The following SMAP1 variants were observed in gnomAD, a reference collection of about 807,000 sequenced individuals.
SMAP1 encodes stromal membrane-associated protein 1.
In SMAP1, 24 loss-of-function variants were observed where a neutral mutation model predicts 58.5. That is an observed-to-expected ratio of 0.41 (90% CI 0.30 to 0.58). The LOEUF is 0.58. Among genes scored for constraint, SMAP1 ranks in the 20% least tolerant of loss-of-function variants. The pLI is 0.29. For missense variants in SMAP1, 563 were observed against 566.3 expected (o/e 0.99, Z 0.06); for synonymous variants, 216 against 196.6 (o/e 1.10, Z -0.82).
chr6:70,806,521 A>G (rs1352695593), intron 6 of SMAP1, among the ~76,000 whole-genome samples: 1 of 151,962 alleles, frequency 6.6e-6, no homozygotes, highest in Non-Finnish European at 1.5e-5. Context: ...CCACTATCCA[A>G]CCAGTCCCAG....
chr6:70,795,684 T>C, intron 5 of SMAP1, among the ~76,000 whole-genome samples: 1 of 152,036 alleles, frequency 6.6e-6, no homozygotes, highest in East Asian at 1.9e-4. Flanking sequence ...ACCATAGCAA[T>C]AACTAATAGC....
chr6:70,840,752 C>T (rs1016407791), intron 7 of SMAP1, among the ~76,000 whole-genome samples: 2 of 152,204 alleles, frequency 1.3e-5, no homozygotes, highest in Non-Finnish European at 2.9e-5. Context: ...ATACCATAAA[C>T]AGGGTGAGAT....
intron 8 of SMAP1, 81 bp from the exon 9 acceptor site, chr6:70,856,778 A>G: frequency 7.3e-7 from 1 of 1,376,230 alleles, no homozygotes; most frequent in South Asian, 1.6e-5. Flanking sequence ...CTAATTTTAT[A>G]ACTTTATTTG....
At chr6:70,756,073 A>G (rs1766477751) in intron 3 of SMAP1, among the ~76,000 whole-genome samples, 1 of 152,052 alleles carries the variant, frequency 6.6e-6, no homozygotes, top group Admixed American at 6.6e-5. Flanking sequence ...TGTTTTCTAA[A>G]TATAAAATCA....
At chr6:70,689,411 A>T (rs1767065157) in intron 1 of SMAP1, among the ~76,000 whole-genome samples, 1 of 152,158 alleles carries the variant, frequency 6.6e-6, no homozygotes, top group Non-Finnish European at 1.5e-5. Flanking sequence ...GAAATTTATT[A>T]TGTTCCATTG....
At chr6:70,802,847 G>A (rs1768924723) in intron 6 of SMAP1, among the ~76,000 whole-genome samples, 1 of 148,818 alleles carries the variant, frequency 6.7e-6, no homozygotes, top group Admixed American at 6.8e-5. Context: ...TGCATCCCAG[G>A]GATGAAGCCC....
intron 3 of SMAP1, among the ~76,000 whole-genome samples, chr6:70,765,360 A>G (rs1440804000): frequency 2.0e-5 from 3 of 152,208 alleles, no homozygotes; most frequent in African/African-American, 7.2e-5. Flanking sequence ...CCTATGGCAT[A>G]TTTCTGGTCA....
intron 6 of SMAP1, among the ~76,000 whole-genome samples, chr6:70,819,839 A>T (rs1187110046): frequency 6.6e-6 from 1 of 152,242 alleles, no homozygotes; most frequent in Non-Finnish European, 1.5e-5. Context: ...AATTACAGTA[A>T]TATGCTTCTA....
rs7754141 is a variant in SMAP1 at position 70,778,715 on chromosome 6, A to C, written c.414+5290A>C. ...GGTGGAGGATGCTAACAACAGTGTC[A>C]GTCTGAGTACGTCGGTTGTCAGGCC... On this transcript the variant is annotated intron_variant, in intron 4 of 10. Coordinates refer to ENST00000370455, the MANE Select transcript of SMAP1 (RefSeq NM_001044305.3). Among the ~76,000 whole-genome samples, 529 of 152,320 alleles carry C rather than the reference A, an allele frequency of 3.5e-3. 3 individuals are homozygous for C. Among genetic ancestry groups the C allele is most frequent in the African/African-American group, 0.012 (496 of 41,574 alleles).
At chr6:70,765,734 T>C (rs1027499251) in intron 3 of SMAP1, among the ~76,000 whole-genome samples, 17 of 152,138 alleles carry the variant, frequency 1.1e-4, no homozygotes, top group African/African-American at 3.8e-4. Flanking sequence ...TTTTTTATTT[T>C]TTATTTATTT....
chr6:70,847,795 G>A (rs1283508133), intron 7 of SMAP1, among the ~76,000 whole-genome samples: 1 of 152,242 alleles, frequency 6.6e-6, no homozygotes, highest in Admixed American at 6.5e-5. Context: ...TGAGCAAGGT[G>A]CATGTCTACG....
intron 2 of SMAP1, among the ~76,000 whole-genome samples, chr6:70,737,222 A>G (rs748177110): frequency 6.6e-6 from 1 of 152,022 alleles, no homozygotes; most frequent in African/African-American, 2.4e-5. Context: ...TCTCACTGCA[A>G]CCTTCACCTC....
chr6:70,741,298 G>T (rs184991244), intron 2 of SMAP1, among the ~76,000 whole-genome samples: 1 of 152,306 alleles, frequency 6.6e-6, no homozygotes, highest in East Asian at 1.9e-4. Flanking sequence ...TTACTTCCTA[G>T]ATACAGTGGG....
chr6:70,756,663 T>G (rs909041865), intron 3 of SMAP1, among the ~76,000 whole-genome samples: 2 of 152,090 alleles, frequency 1.3e-5, no homozygotes, highest in Non-Finnish European at 2.9e-5. Flanking sequence ...CCCAAGTGTT[T>G]AAAAACACAT....
intron 1 of SMAP1, among the ~76,000 whole-genome samples, chr6:70,709,426 C>A (rs375723772): frequency 1.3e-5 from 2 of 152,144 alleles, no homozygotes; most frequent in South Asian, 2.1e-4. Flanking sequence ...GTAGCCTTGA[C>A]TTCCTTGCTC....
intron 3 of SMAP1, among the ~76,000 whole-genome samples, chr6:70,768,131 G>T (rs1037472108): frequency 6.6e-6 from 1 of 152,180 alleles, no homozygotes; most frequent in Non-Finnish European, 1.5e-5. Flanking sequence ...AGTTTTTGAT[G>T]TGCTGCTGGG....
At chr6:70,771,171 C>A (rs1017956448) in intron 3 of SMAP1, among the ~76,000 whole-genome samples, 7 of 152,184 alleles carry the variant, frequency 4.6e-5, no homozygotes, top group African/African-American at 1.4e-4. Flanking sequence ...TGGGGGGTGC[C>A]TCCCAGTTAG....
At chr6:70,688,382 C>G (rs1320541854) in intron 1 of SMAP1, among the ~76,000 whole-genome samples, 1 of 152,178 alleles carries the variant, frequency 6.6e-6, no homozygotes, top group African/African-American at 2.4e-5. Context: ...AAGTGCCAAA[C>G]TTTTCAAAAG....
At chr6:70,690,452 A>G (rs964459583) in intron 1 of SMAP1, among the ~76,000 whole-genome samples, 1 of 151,900 alleles carries the variant, frequency 6.6e-6, no homozygotes, top group Non-Finnish European at 1.5e-5. Context: ...GATTACAAGC[A>G]TGCACCACCA....
Sources: allele counts gnomAD v4.1 joint callset (sites outside exome capture counted in the v4.1 genomes callset), GRCh38; gene constraint gnomAD v4.1.1; transcripts MANE v1.5; gene names NCBI Gene and HGNC (gene_info 2026-07-23, HGNC 2026-07-21).